IFT43: variants seen among roughly 807,000 people sequenced by gnomAD.
The protein encoded by IFT43 is intraflagellar transport protein 43 homolog.
IFT43 carries 33 observed loss-of-function variants against 32.3 expected under a neutral mutation model. The ratio of observed to expected loss-of-function variants is 1.02; its 90% CI spans 0.77 to 1.37. IFT43 has a LOEUF of 1.37. Ranked by LOEUF, IFT43 falls within the 40% of genes most tolerant of loss-of-function variation. IFT43 has a pLI of 0.00. For synonymous variants in IFT43, 93 were observed against 98.2 expected (o/e 0.95, Z 0.31); for missense variants, 274 against 265.9 (o/e 1.03, Z -0.21).
In IFT43 at chr14:75,999,270, TATGTA is replaced by T. The variant is rs2035832266; in HGVS notation, c.147+10294_147+10298del. ...ATATATATATATATATATATATATATATGTATATATATTTTTTTTTTTTTTTTTTT... is the reference window on the plus strand; with the variant it reads ...ATATATATATATATATATATATATATTATATATTTTTTTTTTTTTTTTTTT... On this transcript the variant is annotated intron_variant, in intron 2 of 8. Transcript: ENST00000314067. 1.1e-3 allele frequency among the ~76,000 whole-genome samples: 27 copies of T among 25,222 alleles called. 1 individual carries two copies. The highest frequency in any genetic ancestry group is 4.7e-3 in the South Asian group (3 of 640). The allele number at this position is 25,222 out of a possible 152,430, so 16.5% of individuals were successfully genotyped here.
intron 2 of IFT43, among the ~76,000 whole-genome samples, chr14:76,007,503 C>T (rs138042736): frequency 1.1e-3 from 173 of 152,304 alleles, no homozygotes; most frequent in Non-Finnish European, 1.8e-3. Context: ...CTGCTCTCAG[C>T]TTGTTCCAAG....
At chr14:76,083,346 C>T (rs1418653708) in intron 8 of IFT43, 57 bp downstream of exon 8, 82 of 1,610,612 alleles carry the variant, frequency 5.1e-5, no homozygotes, top group South Asian at 4.7e-4. Context: ...CATAACCAGC[C>T]GACTCCCGGG....
At chr14:76,020,012 G>T (rs749173449) in intron 2 of IFT43, among the ~76,000 whole-genome samples, 2 of 151,522 alleles carry the variant, frequency 1.3e-5, no homozygotes, top group Non-Finnish European at 2.9e-5. Flanking sequence ...ATCTCTCCCT[G>T]TTGCCAGGCT....
chr14:76,010,755 C>T (rs2036068257), intron 2 of IFT43, among the ~76,000 whole-genome samples: 1 of 152,054 alleles, frequency 6.6e-6, no homozygotes, highest in Non-Finnish European at 1.5e-5. Context: ...ACACTATTAC[C>T]CACTCCAAAT....
At chr14:76,059,557 CCTT>C (rs1262821659) in intron 5 of IFT43, 184 bp downstream of exon 5, 1 of 637,776 alleles carries the variant, frequency 1.6e-6, no homozygotes, top group Non-Finnish European at 2.8e-6. Flanking sequence ...AGTATCTCTC[CCTT>C]CTTTATCTGA....
chr14:76,049,478 A>G (rs1478974043), intron 3 of IFT43, among the ~76,000 whole-genome samples: 1 of 148,564 alleles, frequency 6.7e-6, no homozygotes, highest in Non-Finnish European at 1.5e-5. Context: ...TTTTACAATT[A>G]TTTCCCTATG....
At chr14:76,046,340 G>T (rs2036807267) in intron 3 of IFT43, among the ~76,000 whole-genome samples, 1 of 152,126 alleles carries the variant, frequency 6.6e-6, no homozygotes, top group Non-Finnish European at 1.5e-5. Context: ...CTGTAGATGA[G>T]GTCAACAGGT....
chr14:76,025,384 T>C lies in IFT43; in HGVS notation c.215+2990T>C, dbSNP rs113493472. Among the ~76,000 whole-genome samples, 194 of 152,264 alleles carry C rather than the reference T, an allele frequency of 1.3e-3. 1 individual carries two copies. Among genetic ancestry groups the C allele is most frequent in the African/African-American group, 4.4e-3 (184 of 41,570 alleles). ...TGACCATACAGGCAAAAGCAACTTA[T>C]AGATTCAACGCTATTTCTATTAAAC... On this transcript the variant is annotated intron_variant, in intron 3 of 8. Coordinates refer to ENST00000314067, the MANE Select transcript of IFT43 (RefSeq NM_001102564.3).
intron 2 of IFT43, among the ~76,000 whole-genome samples, chr14:75,997,327 G>A (rs1594803824): frequency 6.6e-6 from 1 of 152,294 alleles, no homozygotes; most frequent in South Asian, 2.1e-4. Context: ...CAGCCCCTTT[G>A]CCTTTTCACA....
chr14:76,003,529 G>C (rs1468443585), intron 2 of IFT43, among the ~76,000 whole-genome samples: 2 of 151,808 alleles, frequency 1.3e-5, no homozygotes, highest in African/African-American at 4.8e-5. Context: ...GGGAGGCTGA[G>C]GCAGGAGAAT....
At chr14:76,079,257 GA>G (rs2037465774) in intron 5 of IFT43, among the ~76,000 whole-genome samples, 1 of 152,200 alleles carries the variant, frequency 6.6e-6, no homozygotes, top group Non-Finnish European at 1.5e-5. Context: ...GTTCTCTTCT[GA>G]AAATGGCCAT....
intron 2 of IFT43, chr14:76,013,784 G>T: frequency 3.3e-6 from 1 of 304,940 alleles, no homozygotes; most frequent in South Asian, 6.8e-5. Context: ...GACTTGGCAA[G>T]GGCTAATTGT....
chr14:76,060,189 G>A (rs753312866), intron 5 of IFT43, among the ~76,000 whole-genome samples: 26 of 152,170 alleles, frequency 1.7e-4, no homozygotes, highest in Non-Finnish European at 2.2e-4. Flanking sequence ...AGGAGATTAC[G>A]TAGGGGATCC....
chr14:75,993,327 A>C (rs568377877), intron 2 of IFT43, among the ~76,000 whole-genome samples: 4 of 152,354 alleles, frequency 2.6e-5, no homozygotes, highest in East Asian at 1.9e-4. Flanking sequence ...CTTTAAAATC[A>C]GAAGCCCTGG....
intron 3 of IFT43, among the ~76,000 whole-genome samples, chr14:76,042,557 C>G (rs144233703): frequency 0.022 from 3,356 of 152,368 alleles, 100 homozygotes; most frequent in Non-Finnish European, 0.028. Flanking sequence ...GCCTCGCTCT[C>G]TGCAGAGTTG....
At chr14:76,018,187 T>C (rs1408628750) in intron 2 of IFT43, among the ~76,000 whole-genome samples, 1 of 151,912 alleles carries the variant, frequency 6.6e-6, no homozygotes, top group Non-Finnish European at 1.5e-5. Context: ...TAGGTATTCA[T>C]TGCTATACTT....
intron 2 of IFT43, among the ~76,000 whole-genome samples, chr14:75,999,090 A>G (rs1002201899): frequency 6.9e-6 from 1 of 144,572 alleles, no homozygotes; most frequent in East Asian, 2.0e-4. Context: ...TTTTATCTCT[A>G]CTATTTCTCT....
chr14:76,029,055 C>G (rs147821448), intron 3 of IFT43, among the ~76,000 whole-genome samples: 2,142 of 152,346 alleles, frequency 0.014, 57 homozygotes, highest in African/African-American at 0.045. Flanking sequence ...CTGCTTTCCA[C>G]AGTGGCTAAA....
chr14:76,018,492 C>G (rs1180585870), intron 2 of IFT43, among the ~76,000 whole-genome samples: 1 of 152,044 alleles, frequency 6.6e-6, no homozygotes, highest in African/African-American at 2.4e-5. Flanking sequence ...GGAGAATGTT[C>G]CACGTGCTGA....
Sources: allele counts gnomAD v4.1 joint callset (sites outside exome capture counted in the v4.1 genomes callset), GRCh38; gene constraint gnomAD v4.1.1; transcripts MANE v1.5; gene names NCBI Gene and HGNC (gene_info 2026-07-23, HGNC 2026-07-21).